Variants in CSMD1 observed in about 807,000 individuals in gnomAD.
The protein encoded by CSMD1 is CUB and sushi domain-containing protein 1.
CSMD1 carries 213 observed loss-of-function variants against 417.5 expected under a neutral mutation model. The observed-to-expected ratio is 0.51, with a 90% CI of 0.46 to 0.57. The LOEUF (loss-of-function observed/expected upper bound fraction) is 0.57. Among genes scored for constraint, CSMD1 ranks in the 20% least tolerant of loss-of-function variants. The pLI, the probability that CSMD1 is intolerant of heterozygous loss-of-function variation, is 0.00. For synonymous variants in CSMD1, 2,862 were observed against 1,736.8 expected, an observed-to-expected ratio of 1.65 and a Z score of -16.11; for missense variants, 6,923 against 4,529.7, an observed-to-expected ratio of 1.53 and a Z score of -15.17.
At chr8:4,289,664 A>T (rs891055867) in intron 3 of CSMD1, among the ~76,000 whole-genome samples, 1 of 152,130 alleles carries the variant, frequency 6.6e-6, no homozygotes, top group East Asian at 1.9e-4. Flanking sequence ...GTCCTGAGTA[A>T]CATGTGCTCA....
At chr8:4,095,555 T>G (rs767168036) in intron 3 of CSMD1, among the ~76,000 whole-genome samples, 7 of 152,198 alleles carry the variant, frequency 4.6e-5, no homozygotes, top group Non-Finnish European at 8.8e-5. Context: ...TTTAAGGAAC[T>G]GGGAATAAAT....
intron 3 of CSMD1, among the ~76,000 whole-genome samples, chr8:4,200,679 G>C (rs977328372): frequency 6.6e-6 from 1 of 152,108 alleles, no homozygotes; most frequent in Non-Finnish European, 1.5e-5. Flanking sequence ...AAGGTAGGAA[G>C]ACCGCACCTC....
intron 3 of CSMD1, among the ~76,000 whole-genome samples, chr8:4,335,716 A>T (rs1271687519): frequency 1.3e-5 from 2 of 152,144 alleles, no homozygotes; most frequent in Non-Finnish European, 2.9e-5. Flanking sequence ...CTCAAAAATA[A>T]CAAATAGTGT....
At chr8:3,485,846 T>C (rs974242227) in intron 11 of CSMD1, among the ~76,000 whole-genome samples, 2 of 149,708 alleles carry the variant, frequency 1.3e-5, no homozygotes, top group Non-Finnish European at 3.0e-5. Flanking sequence ...ACAGGAAATC[T>C]GAATAAGATC....
At chr8:3,170,084 G>A (rs898458087) in intron 37 of CSMD1, among the ~76,000 whole-genome samples, 1 of 152,250 alleles carries the variant, frequency 6.6e-6, no homozygotes, top group Non-Finnish European at 1.5e-5. Flanking sequence ...TCTCCTTTGC[G>A]GCGCTGCTGT....
intron 1 of CSMD1, among the ~76,000 whole-genome samples, chr8:4,961,958 T>C (rs1809519803): frequency 6.6e-6 from 1 of 152,184 alleles, no homozygotes; most frequent in East Asian, 1.9e-4. Flanking sequence ...CTGCAGATAT[T>C]TCTTGTCTTT....
chr8:3,866,803 C>G (rs189595912), intron 5 of CSMD1, among the ~76,000 whole-genome samples: 19 of 152,208 alleles, frequency 1.2e-4, no homozygotes, highest in Admixed American at 4.6e-4. Flanking sequence ...GCTCACAAAT[C>G]CTTAATATGA....
At chr8:3,457,995 G>A (rs189648267) in intron 12 of CSMD1, among the ~76,000 whole-genome samples, 9 of 152,308 alleles carry the variant, frequency 5.9e-5, no homozygotes, top group African/African-American at 2.2e-4. Flanking sequence ...AATTTCACAA[G>A]CTCTTTCATA....
At chr8:4,315,880 A>G (rs1028794665) in intron 3 of CSMD1, among the ~76,000 whole-genome samples, 2 of 152,218 alleles carry the variant, frequency 1.3e-5, no homozygotes, top group African/African-American at 4.8e-5. Flanking sequence ...GTAAAATTTT[A>G]AAAACAGGTT....
intron 49 of CSMD1, among the ~76,000 whole-genome samples, chr8:3,063,034 T>C (rs1038012023): frequency 6.6e-6 from 1 of 152,114 alleles, no homozygotes; most frequent in Admixed American, 6.6e-5. Flanking sequence ...AAACTCTGAT[T>C]CGGATGCCAA....
intron 1 of CSMD1, among the ~76,000 whole-genome samples, chr8:4,902,520 T>A (rs1804953500): frequency 6.6e-6 from 1 of 152,158 alleles, no homozygotes. Flanking sequence ...AAATGTCAAC[T>A]TTACATCAAA....
chr8:4,151,919 CA>C (rs1442923756), intron 3 of CSMD1, among the ~76,000 whole-genome samples: 2 of 152,138 alleles, frequency 1.3e-5, no homozygotes, highest in African/African-American at 4.8e-5. Context: ...TGTCTATCAG[CA>C]GAGATAAGTT....
intron 3 of CSMD1, among the ~76,000 whole-genome samples, chr8:4,181,136 G>C (rs993046146): frequency 6.6e-6 from 1 of 152,110 alleles, no homozygotes; most frequent in African/African-American, 2.4e-5. Context: ...CTGCGAAACA[G>C]CCATCTATTT....
At chr8:3,497,896 T>A (rs930597494) in intron 10 of CSMD1, among the ~76,000 whole-genome samples, 56 of 152,356 alleles carry the variant, frequency 3.7e-4, no homozygotes, top group African/African-American at 1.3e-3. Flanking sequence ...CAGTGAATAT[T>A]ACTCTTTTGT....
chr8:3,632,101 C>G (rs527510112), intron 7 of CSMD1, among the ~76,000 whole-genome samples: 3 of 152,064 alleles, frequency 2.0e-5, no homozygotes, highest in South Asian at 2.1e-4. Context: ...CTTTTATTAC[C>G]AGAATAAAAT....
At chr8:4,134,656 G>T (rs1256556426) in intron 3 of CSMD1, among the ~76,000 whole-genome samples, 1 of 152,070 alleles carries the variant, frequency 6.6e-6, no homozygotes, top group Non-Finnish European at 1.5e-5. Flanking sequence ...AATATATCTA[G>T]AATCATTCAA....
intron 3 of CSMD1, among the ~76,000 whole-genome samples, chr8:4,168,340 G>C (rs939196111): frequency 6.6e-6 from 1 of 151,940 alleles, no homozygotes; most frequent in African/African-American, 2.4e-5. Context: ...AGGCTACAGT[G>C]ATCCTTGATT....
chr8:3,292,655 C>G (rs538388698), intron 25 of CSMD1, among the ~76,000 whole-genome samples: 1 of 152,096 alleles, frequency 6.6e-6, no homozygotes, highest in Non-Finnish European at 1.5e-5. Flanking sequence ...GCAACCCCTG[C>G]CTTTTTTGTT....
chr8:3,313,820 C>CGTATGTTTATA (rs1805545934), intron 23 of CSMD1, among the ~76,000 whole-genome samples: 1 of 152,126 alleles, frequency 6.6e-6, no homozygotes, highest in African/African-American at 2.4e-5. Context: ...AACATGCACA[C>CGTATGTTTATA]GTATGTTTAT....
Sources: gnomAD v4.1 joint callset for allele counts (sites outside exome capture counted in the v4.1 genomes callset) on GRCh38, gnomAD v4.1.1 for gene constraint, MANE v1.5 for transcripts, NCBI Gene and HGNC (gene_info 2026-07-23, HGNC 2026-07-21) for gene names.